Variants in ZNF331 observed in about 807,000 individuals in gnomAD.
ZNF331 encodes the protein zinc finger protein 331.
ZNF331 carries 2 observed loss-of-function variants against 7.0 expected under a neutral mutation model. The observed-to-expected ratio is 0.29, with a 90% CI of 0.12 to 0.90. The LOEUF (loss-of-function observed/expected upper bound fraction) is 0.90. ZNF331 is among the 40% of genes least tolerant of loss of function. The probability of loss-of-function intolerance (pLI) is 0.58; values close to 1 mark genes in which losing one functional copy is unlikely to be tolerated. For missense variants in ZNF331, 432 were observed against 587.7 expected, an observed-to-expected ratio of 0.74 and a Z score of 2.74; for synonymous variants, 196 against 205.4, an observed-to-expected ratio of 0.95 and a Z score of 0.39.
At chr19:53,516,225 C>T (rs948754126), upstream of ZNF331, among the ~76,000 whole-genome samples, 6 of 152,054 alleles carry the variant, frequency 3.9e-5, no homozygotes, top group East Asian at 1.2e-3. Context: ...CCGAGGTGGG[C>T]GGATCGCCTG....
intron 3 of ZNF331, among the ~76,000 whole-genome samples, chr19:53,562,009 G>A (rs898848764): frequency 2.6e-5 from 4 of 152,158 alleles, no homozygotes; most frequent in East Asian, 3.9e-4. Context: ...TTAGGCAGGC[G>A]TGGTGGCGCG....
At chr19:53,522,596 T>G (rs1808132122) in intron 1 of ZNF331, 1 of 152,206 alleles carries the variant, frequency 6.6e-6, no homozygotes, top group African/African-American at 2.4e-5. Flanking sequence ...CATTCTTATC[T>G]TCCTTTTCCC....
chr19:53,527,921 T>G (rs1469685225), intron 2 of ZNF331, among the ~76,000 whole-genome samples: 1 of 152,244 alleles, frequency 6.6e-6, no homozygotes, highest in East Asian at 1.9e-4. Flanking sequence ...AGAATGATAA[T>G]CAGTGATATC....
chr19:53,555,045 C>CT (rs1197841661), intron 2 of ZNF331, among the ~76,000 whole-genome samples: 1 of 152,090 alleles, frequency 6.6e-6, no homozygotes, highest in Non-Finnish European at 1.5e-5. Context: ...CCAGTGTGTG[C>CT]TGTGGTGAGG....
chr19:53,514,208 T>TC, the ZNF331 span, among the ~76,000 whole-genome samples: 1 of 120,236 alleles, frequency 8.3e-6, no homozygotes, highest in East Asian at 2.4e-4. Context: ...TTTTTCTCTG[T>TC]TTTTTTTTGA....
chr19:53,560,434 T>C lies in ZNF331; in HGVS notation c.-74+4526T>C, dbSNP rs962653060. Among the ~76,000 whole-genome samples the C allele has an allele frequency of 6.6e-6, 1 of 152,166 alleles. No individual in the cohort carries two copies. Among genetic ancestry groups the C allele is most frequent in the East Asian group, 1.9e-4 (1 of 5,206 alleles). On this transcript the variant is annotated intron_variant, in intron 3 of 5. Coordinates refer to ENST00000449416, the MANE Select transcript of ZNF331 (RefSeq NM_001079906.2). The surrounding 1 kb of genome is among the most constrained non-coding windows in gnomAD (Gnocchi z 4.3). ...ATATCACAAGGTCTGATTGTATTAC[T>C]GAGACACAGTGAAAGGATGTTCCAT...
intron 3 of ZNF331, among the ~76,000 whole-genome samples, chr19:53,568,854 T>TC (rs1210942189): frequency 7.3e-6 from 1 of 136,468 alleles, no homozygotes; most frequent in East Asian, 2.1e-4. Flanking sequence ...ATACTCTTTT[T>TC]TTTTTTTTTT....
Position 53,577,276 on chromosome 19 carries a change from G to T in ZNF331, c.716G>T (p.Gly239Val). ...ELTQHQRFHTGEKDYECKDCG... is the reference protein window; with the variant it reads ...ELTQHQRFHTVEKDYECKDCG... ...ACTCAGCACCAGAGATTCCACACTG[G>T]GGAGAAAGACTACGAATGCAAAGAC... The change falls in exon 6 of 6, where the codon GGG becomes GTG. Residue 239 changes from glycine to valine, a missense_variant. Physicochemically the swap from Gly to Val is moderately radical, Grantham distance 109 (BLOSUM62 -3). Coordinates refer to ENST00000449416, the MANE Select transcript of ZNF331 (RefSeq NM_001079906.2). 6.2e-7 allele frequency: 1 copy of T among 1,613,752 alleles called. No homozygotes were observed. Among genetic ancestry groups the T allele is most frequent in the East Asian group, 2.2e-5 (1 of 44,832 alleles).
Position 53,579,393 on chromosome 19 carries a change from C to T in ZNF331, c.*1441C>T, listed in dbSNP as rs981656734. 12 of 200,080 alleles carry T rather than the reference C, an allele frequency of 6.0e-5. No homozygotes were observed. Among genetic ancestry groups the T allele is most frequent in the African/African-American group, 2.8e-4 (12 of 43,302 alleles). 12.4% of individuals were successfully genotyped at this position (200,080 alleles called of 1,614,324 possible). ...CCTGTGAGACACTGGGCCAAAGGCT[C>T]ACTACCCCTGTGCGTTGTCCAGCAC... is the stretch of plus-strand genomic sequence containing the variant. On this transcript the variant is annotated 3_prime_UTR_variant, in exon 6 of 6. Transcript: ENST00000449416.
At chr19:53,562,506 A>G (rs1476819498) in intron 3 of ZNF331, among the ~76,000 whole-genome samples, 1 of 152,108 alleles carries the variant, frequency 6.6e-6, no homozygotes, top group Non-Finnish European at 1.5e-5. Context: ...CCTGGCTAAC[A>G]TGGTGAAACC....
At chr19:53,520,313 C>T (rs934940634), upstream of ZNF331, among the ~76,000 whole-genome samples, 1 of 152,148 alleles carries the variant, frequency 6.6e-6, no homozygotes, top group African/African-American at 2.4e-5. Flanking sequence ...TCCCAAAGTG[C>T]TGAGATTACA....
chr19:53,565,171 G>A (rs532951545), intron 3 of ZNF331, among the ~76,000 whole-genome samples: 1 of 152,178 alleles, frequency 6.6e-6, no homozygotes, highest in Non-Finnish European at 1.5e-5. Context: ...AATAGAAGAA[G>A]CTCAAGGCAG....
At chr19:53,532,194 C>G (rs1049560874) in intron 2 of ZNF331, among the ~76,000 whole-genome samples, 1 of 152,064 alleles carries the variant, frequency 6.6e-6, no homozygotes. Flanking sequence ...AAAATAGATA[C>G]GCAGAATTTA....
At chr19:53,523,198 C>T (rs1432202097) in intron 2 of ZNF331, 2 of 151,834 alleles carry the variant, frequency 1.3e-5, no homozygotes, top group Non-Finnish European at 2.9e-5. Flanking sequence ...ACTCTACTCT[C>T]TTAGCAATTT....
Position 53,529,325 on chromosome 19 carries a change from G to A in ZNF331, c.-205+6641G>A, listed in dbSNP as rs377197612. Among the ~76,000 whole-genome samples the A allele has an allele frequency of 5.9e-5, 9 of 151,844 alleles. No individual in the cohort carries two copies. In the East Asian group the frequency reaches 1.8e-3, roughly 30 times the overall value. On this transcript the variant is annotated intron_variant, in intron 2 of 6. Transcript: ENST00000253144. ...TGAGGCAGGAGAATGGCGTGAACCC[G>A]GGAGGTGGAGCTTGCAGTGAGCCGA...
intron 2 of ZNF331, among the ~76,000 whole-genome samples, chr19:53,527,855 T>G (rs2087365922): frequency 1.2e-5 from 1 of 81,306 alleles, no homozygotes; most frequent in Non-Finnish European, 2.4e-5. Flanking sequence ...GACAGCAGAT[T>G]ATCAAGAAAG....
the ZNF331 span, chr19:53,511,958 C>T: frequency 3.3e-5 from 5 of 152,164 alleles, no homozygotes; most frequent in Non-Finnish European, 5.9e-5. Context: ...ATTTTCCTTC[C>T]GCAGGTTCTA....
At chr19:53,565,693 ATAT>A (rs1479572170) in intron 3 of ZNF331, among the ~76,000 whole-genome samples, 1 of 149,976 alleles carries the variant, frequency 6.7e-6, no homozygotes, top group Non-Finnish European at 1.5e-5. Flanking sequence ...CACCTAGCTA[ATAT>A]TTGTATTTTT....
chr19:53,518,038 T>C (rs1458181191), upstream of ZNF331, among the ~76,000 whole-genome samples: 5 of 152,180 alleles, frequency 3.3e-5, no homozygotes, highest in East Asian at 1.9e-4. Context: ...TGTGAGGGTG[T>C]TGCCAGAGGA....
Sources: allele counts gnomAD v4.1 joint callset (sites outside exome capture counted in the v4.1 genomes callset), GRCh38; gene constraint gnomAD v4.1.1; non-coding constraint Gnocchi (gnomAD v3.1); transcripts MANE v1.5; gene names NCBI Gene and HGNC (gene_info 2026-07-23, HGNC 2026-07-21).